PLEKHG4B: variants seen among roughly 807,000 people sequenced by gnomAD.
PLEKHG4B encodes the protein pleckstrin homology domain-containing family G member 4B.
A neutral mutation model predicts 121.3 loss-of-function variants in PLEKHG4B; 111 were observed. The ratio of observed to expected loss-of-function variants is 0.92; its 90% confidence interval spans 0.78 to 1.07. The LOEUF (loss-of-function observed/expected upper bound fraction) is 1.07. Among genes scored for constraint, PLEKHG4B ranks in the 50% least tolerant of loss-of-function variants. The pLI, the probability that PLEKHG4B is intolerant of heterozygous loss-of-function variation, is 0.00. For synonymous variants in PLEKHG4B, 738 were observed against 725.0 expected, an observed-to-expected ratio of 1.02 and a Z score of -0.29; for missense variants, 1,831 against 1,757.8, an observed-to-expected ratio of 1.04 and a Z score of -0.74.
chr5:182,904 C>T lies in PLEKHG4B; in HGVS notation c.*581C>T, dbSNP rs762425599. On this transcript the variant is annotated 3_prime_UTR_variant, in exon 20 of 20. Coordinates refer to ENST00000637938, the MANE Select transcript of PLEKHG4B (RefSeq NM_052909.5). ...GTTGCTACCCATTCGCACACTCAAACAGGGAGGCTACCAAGGCTGGGAGCA... is the reference window on the plus strand; with the variant it reads ...GTTGCTACCCATTCGCACACTCAAATAGGGAGGCTACCAAGGCTGGGAGCA... The T allele has an allele frequency of 1.0e-4, 16 of 156,260 alleles. No homozygotes were observed. Among genetic ancestry groups the T allele is most frequent in the Non-Finnish European group, 1.8e-4 (13 of 70,314 alleles). 9.7% of individuals were successfully genotyped at this position (156,260 alleles called of 1,614,324 possible). A position where few individuals can be genotyped will look rare whatever the true frequency, so the allele number is the denominator to read the frequency against.
chr5:127,804 C>A (rs1054106361), intron 2 of PLEKHG4B, among the ~76,000 whole-genome samples: 6 of 152,266 alleles, frequency 3.9e-5, no homozygotes, highest in African/African-American at 1.2e-4. Context: ...CCTGATACAG[C>A]CCTCAGGAGG....
chr5:116,535 TAATG>T (rs1440383097), intron 2 of PLEKHG4B, among the ~76,000 whole-genome samples: 2 of 152,218 alleles, frequency 1.3e-5, no homozygotes, highest in Non-Finnish European at 2.9e-5. Flanking sequence ...AAGTCCCACT[TAATG>T]AATTTATTGT....
Position 181,788 on chromosome 5 carries a change from A to G in PLEKHG4B, c.4564+113A>G, listed in dbSNP as rs555122916. 2.8e-6 allele frequency: 4 copies of G among 1,424,512 alleles called. No homozygotes were observed. In the South Asian group the frequency reaches 5.3e-5, roughly 19 times the overall value. The allele number at this position is 1,424,512 out of a possible 1,614,324, so 88.2% of individuals were successfully genotyped here. On this transcript the variant is annotated intron_variant, in intron 19 of 19. Coordinates refer to ENST00000637938, the MANE Select transcript of PLEKHG4B (RefSeq NM_052909.5). ...CCCTCACTCGCCCACAGAGTGCACC[A>G]GGCCTGTCGTCAAGGACACGGGTAC...
rs1234819364 is a variant in PLEKHG4B, at chr5:119,057, A to G, written c.243+5609A>G. Among the ~76,000 whole-genome samples the G allele has an allele frequency of 3.3e-5, 5 of 151,920 alleles. No individual in the cohort carries two copies. The East Asian group carries it at 9.6e-4, about 29-fold the overall frequency. ...AAATTTTTTGTAGAGATGGGCTTTC[A>G]GTATGTTTCCCAGGCTGGTCTCAAA... On this transcript the variant is annotated intron_variant, in intron 2 of 19. Coordinates refer to ENST00000637938, the MANE Select transcript of PLEKHG4B (RefSeq NM_052909.5).
chr5:133,666 C>T (rs1369205983), intron 2 of PLEKHG4B, among the ~76,000 whole-genome samples: 1 of 152,032 alleles, frequency 6.6e-6, no homozygotes, highest in African/African-American at 2.4e-5. Context: ...AGAGGGAACA[C>T]TTTTACAGTT....
chr5:109,582 T>C (rs1317136186), intron 1 of PLEKHG4B, among the ~76,000 whole-genome samples: 2 of 152,182 alleles, frequency 1.3e-5, no homozygotes, highest in Non-Finnish European at 2.9e-5. Context: ...TGGGCTGGGC[T>C]GTGTCCCCTG....
At chr5:111,959 C>T (rs559709508) in intron 1 of PLEKHG4B, among the ~76,000 whole-genome samples, 14 of 149,542 alleles carry the variant, frequency 9.4e-5, no homozygotes, top group African/African-American at 3.6e-4. Flanking sequence ...CTGTGTGACC[C>T]TGGCCTGAGA....
intron 18 of PLEKHG4B, among the ~76,000 whole-genome samples, chr5:177,149 A>C (rs6889904): frequency 0.16 from 24,093 of 152,044 alleles, 4,460 homozygotes; most frequent in African/African-American, 0.45. Flanking sequence ...CTTGTGTCTA[A>C]CTTTTTCAGT....
Position 164,566 on chromosome 5 carries a change from G to GGGCGGAGCTCACACAGTAATGCTCTGAC in PLEKHG4B, c.3476+1020_3476+1021insCGGAGCTCACACAGTAATGCTCTGACGG, listed in dbSNP as rs1736190392. ...GAGCTCACACAGTAATGCTCTGACA[G>GGGCGGAGCTCACACAGTAATGCTCTGAC]GGGGCGGAGCTCACACAGTAATGCT... On this transcript the variant is annotated intron_variant, in intron 13 of 19. Coordinates refer to ENST00000637938, the MANE Select transcript of PLEKHG4B (RefSeq NM_052909.5). Among the ~76,000 whole-genome samples the GGGCGGAGCTCACACAGTAATGCTCTGAC allele has an allele frequency of 4.9e-4, 20 of 40,696 alleles. 1 individual carries two copies. The highest frequency in any genetic ancestry group is 1.1e-3 in the African/African-American group (10 of 8,696). 26.7% of individuals were successfully genotyped at this position (40,696 alleles called of 152,430 possible). A position where few individuals can be genotyped will look rare whatever the true frequency, so the allele number is the denominator to read the frequency against.
Position 113,306 on chromosome 5 carries a change from C to T in PLEKHG4B, c.101C>T (p.Pro34Leu), listed in dbSNP as rs976341385. The change falls in exon 2 of 20, where the codon CCG (proline) becomes CTG (leucine). Residue 34 changes from proline (P) to leucine (L), a missense_variant. Transcript: ENST00000637938. The surrounding 1 kb of genome is among the most constrained non-coding windows in gnomAD (Gnocchi z 5.2). ...IQRTLSALYP[P>L]FEATAATVLW... ...AGGACGCTCTCTGCCTTGTACCCAC[C>T]GTTTGAAGCCACGGCAGCCACGGTG... 4.5e-5 allele frequency: 18 copies of T among 399,090 alleles called. No individual in the cohort carries two copies. Among genetic ancestry groups the T allele is most frequent in the South Asian group, 2.5e-4 (2 of 7,860 alleles). 24.7% of individuals were successfully genotyped at this position (399,090 alleles called of 1,614,324 possible). A position where few individuals can be genotyped will look rare whatever the true frequency, so the allele number is the denominator to read the frequency against.
chr5:143,031 TCTTTC>T lies in PLEKHG4B; in HGVS notation c.1478-11_1478-7del. Reference sequence around the variant, plus strand: ...GAAAACCTTCATCTTTGACACGGCCTCTTTCCTTTGTCCAGACGTTCTTGCATCCT... The same window carrying T: ...GAAAACCTTCATCTTTGACACGGCCTCTTTGTCCAGACGTTCTTGCATCCT... On this transcript the variant is annotated splice_polypyrimidine_tract_variant and intron_variant, in intron 3 of 19. Transcript: ENST00000637938. 1 of 1,611,032 alleles carries T rather than the reference TCTTTC, an allele frequency of 6.2e-7. No homozygotes were observed. The highest frequency in any genetic ancestry group is 8.5e-7 in the Non-Finnish European group (1 of 1,177,970).
chr5:153,769 T>C (rs1735676600), intron 7 of PLEKHG4B, among the ~76,000 whole-genome samples: 2 of 152,216 alleles, frequency 1.3e-5, no homozygotes, highest in African/African-American at 4.8e-5. Flanking sequence ...GCTTGCAGCC[T>C]TGACCTCCCC....
chr5:117,926 G>T (rs990399398), intron 2 of PLEKHG4B, among the ~76,000 whole-genome samples: 20 of 152,206 alleles, frequency 1.3e-4, no homozygotes, highest in East Asian at 1.9e-4. Flanking sequence ...AAGAGAGACA[G>T]AAGTGAGCTG....
At chr5:135,270 G>A (rs1304054669) in intron 2 of PLEKHG4B, among the ~76,000 whole-genome samples, 1 of 151,104 alleles carries the variant, frequency 6.6e-6, no homozygotes, top group Non-Finnish European at 1.5e-5. Context: ...AACTAAAAAG[G>A]TAAAAGACTT....
chr5:154,376 G>A (rs982444026), intron 7 of PLEKHG4B, among the ~76,000 whole-genome samples: 1 of 151,986 alleles, frequency 6.6e-6, no homozygotes, highest in African/African-American at 2.4e-5. Flanking sequence ...TTTTCTGTTG[G>A]AGCTCAGCCA....
chr5:172,634 G>T (rs1466367049), intron 16 of PLEKHG4B, among the ~76,000 whole-genome samples: 1 of 152,266 alleles, frequency 6.6e-6, no homozygotes, highest in African/African-American at 2.4e-5. Context: ...CCTCCCCTGT[G>T]TGTGGGCCCA....
At position 173,098 on chromosome 5, in the gene PLEKHG4B, G is replaced by C. The variant is rs772978290; in HGVS notation, c.4221+31G>C. ...ACCCGCCCGGTCCGATTGGGTGCAG[G>C]CCGAGCCAGGCCCTCCAAGGGGGTC... On this transcript the variant is annotated intron_variant, in intron 17 of 19. Coordinates refer to ENST00000637938, the MANE Select transcript of PLEKHG4B (RefSeq NM_052909.5). 15 of 1,603,010 alleles carry C rather than the reference G, an allele frequency of 9.4e-6. No individual in the cohort carries two copies. The African/African-American group carries it at 2.0e-4, about 21-fold the overall frequency.
chr5:136,108 G>A (rs1311012688), intron 2 of PLEKHG4B, among the ~76,000 whole-genome samples: 1 of 151,966 alleles, frequency 6.6e-6, no homozygotes, highest in African/African-American at 2.4e-5. Flanking sequence ...TAGAAAACTG[G>A]ATATCCACAT....
At chr5:154,796 C>A in intron 7 of PLEKHG4B, 79 bp from the exon 8 acceptor site, 2 of 1,116,468 alleles carry the variant, frequency 1.8e-6, no homozygotes, top group Non-Finnish European at 2.7e-6. Context: ...TCCTCTGAAC[C>A]CAGGAATGAG....
Sources: gnomAD v4.1 joint callset for allele counts (sites outside exome capture counted in the v4.1 genomes callset) on GRCh38, gnomAD v4.1.1 for gene constraint, Gnocchi (gnomAD v3.1) non-coding constraint, MANE v1.5 for transcripts, NCBI Gene and HGNC (gene_info 2026-07-23, HGNC 2026-07-21) for gene names.